Variants in MNAT1 observed in about 807,000 individuals in gnomAD.
The protein encoded by MNAT1 is CDK-activating kinase assembly factor MAT1.
Under a neutral mutation model 42.0 loss-of-function variants are expected in MNAT1, and 43 were observed. That is an observed-to-expected ratio of 1.02 (90% confidence interval 0.80 to 1.32). The LOEUF (loss-of-function observed/expected upper bound fraction) is 1.32. MNAT1 is among the 40% of genes most tolerant of loss of function. The probability of loss-of-function intolerance (pLI) is 0.00; values close to 1 mark genes in which losing one functional copy is unlikely to be tolerated. For missense variants in MNAT1, 306 were observed against 350.4 expected, an observed-to-expected ratio of 0.87 and a Z score of 1.01; for synonymous variants, 118 against 120.0, an observed-to-expected ratio of 0.98 and a Z score of 0.11.
chr14:60,966,138 T>C (rs530873193), intron 7 of MNAT1, among the ~76,000 whole-genome samples: 1 of 152,252 alleles, frequency 6.6e-6, no homozygotes, highest in East Asian at 1.9e-4. Flanking sequence ...TTTTTCTTTT[T>C]TTTTTTTAAA....
Position 60,931,893 on chromosome 14 carries a change from TTAGA to T in MNAT1, c.810-36333_810-36330del, listed in dbSNP as rs368069541. 1.6e-4 allele frequency among the ~76,000 whole-genome samples: 24 copies of T among 152,146 alleles called. 1 individual carries two copies. In the South Asian group the frequency reaches 4.8e-3, roughly 30 times the overall value. ...AATGGTGAATTAATTATATACTCCCTTAGATACTGAGCCTACTTTTTAAATTTTT... is the reference window on the plus strand; with the variant it reads ...AATGGTGAATTAATTATATACTCCCTTACTGAGCCTACTTTTTAAATTTTT... On this transcript the variant is annotated intron_variant, in intron 7 of 7. Coordinates refer to ENST00000261245, the MANE Select transcript of MNAT1 (RefSeq NM_002431.4).
chr14:60,756,086 T>C (rs1282261878), intron 1 of MNAT1, among the ~76,000 whole-genome samples: 1 of 152,264 alleles, frequency 6.6e-6, no homozygotes, highest in African/African-American at 2.4e-5. Flanking sequence ...TGTAGACTTT[T>C]TATTTCTTTC....
At chr14:60,884,086 A>T (rs990047897) in intron 7 of MNAT1, among the ~76,000 whole-genome samples, 1 of 151,566 alleles carries the variant, frequency 6.6e-6, no homozygotes, top group Non-Finnish European at 1.5e-5. Flanking sequence ...TGCTCTAGCT[A>T]GGACTGCCAG....
chr14:60,948,117 C>T (rs1188340752), intron 7 of MNAT1, among the ~76,000 whole-genome samples: 1 of 152,062 alleles, frequency 6.6e-6, no homozygotes, highest in Non-Finnish European at 1.5e-5. Flanking sequence ...TTTTCTTGAG[C>T]CCCCATTGTC....
chr14:60,853,531 C>CT (rs1178665735), intron 6 of MNAT1, among the ~76,000 whole-genome samples: 1 of 152,146 alleles, frequency 6.6e-6, no homozygotes, highest in Non-Finnish European at 1.5e-5. Flanking sequence ...TTCAAATACT[C>CT]TTTATTTCTT....
At chr14:60,746,298 G>T (rs576568942) in intron 1 of MNAT1, among the ~76,000 whole-genome samples, 35 of 152,130 alleles carry the variant, frequency 2.3e-4, no homozygotes, top group Non-Finnish European at 4.9e-4. Context: ...GGTAGATTAC[G>T]AGGTCAGGAG....
chr14:60,769,529 C>G (rs1201882627), intron 1 of MNAT1, among the ~76,000 whole-genome samples: 3 of 152,144 alleles, frequency 2.0e-5, no homozygotes, highest in East Asian at 3.8e-4. Flanking sequence ...AGTGAGCCTT[C>G]TGCTTTGACC....
intron 1 of MNAT1, among the ~76,000 whole-genome samples, chr14:60,746,949 C>A (rs191013315): frequency 3.0e-5 from 1 of 33,288 alleles, no homozygotes; most frequent in South Asian, 1.4e-3. Flanking sequence ...CACACACACA[C>A]ACACACACAC....
chr14:60,857,258 T>C (rs954255270), intron 6 of MNAT1, among the ~76,000 whole-genome samples: 10 of 152,222 alleles, frequency 6.6e-5, no homozygotes, highest in Non-Finnish European at 1.2e-4. Context: ...AGTTGATATT[T>C]TGGAAGTTTC....
chr14:60,963,665 T>C (rs925650381), intron 7 of MNAT1, among the ~76,000 whole-genome samples: 3 of 152,062 alleles, frequency 2.0e-5, no homozygotes, highest in African/African-American at 2.4e-5. Flanking sequence ...CACAGATCTG[T>C]TTGGAAATGG....
chr14:60,812,221 C>A, intron 5 of MNAT1, 94 bp downstream of exon 5: 1 of 1,222,804 alleles, frequency 8.2e-7, no homozygotes, highest in Non-Finnish European at 1.1e-6. Flanking sequence ...GGCTTTTCCA[C>A]AGTGTTTGTA....
chr14:60,825,649 T>TC (rs1015903514), intron 6 of MNAT1, among the ~76,000 whole-genome samples: 5 of 152,208 alleles, frequency 3.3e-5, no homozygotes, highest in African/African-American at 1.2e-4. Flanking sequence ...ACTGAGTCTT[T>TC]GAGAGGTTAG....
intron 7 of MNAT1, among the ~76,000 whole-genome samples, chr14:60,949,421 C>T (rs1393175697): frequency 2.0e-5 from 3 of 151,994 alleles, no homozygotes; most frequent in Non-Finnish European, 2.9e-5. Context: ...ACATTTTTAA[C>T]GATAAAGCAT....
intron 7 of MNAT1, among the ~76,000 whole-genome samples, chr14:60,941,020 A>G (rs1459802286): frequency 1.3e-5 from 2 of 152,202 alleles, no homozygotes; most frequent in Non-Finnish European, 2.9e-5. Context: ...ATTCTTTAAA[A>G]GTTTTTGGGA....
chr14:60,923,017 A>C (rs1406783526), intron 7 of MNAT1, among the ~76,000 whole-genome samples: 1 of 152,206 alleles, frequency 6.6e-6, no homozygotes, highest in Non-Finnish European at 1.5e-5. Context: ...CAGTAGATAC[A>C]TTCTACTTGG....
intron 1 of MNAT1, among the ~76,000 whole-genome samples, chr14:60,777,991 G>A (rs2031312760): frequency 6.6e-6 from 1 of 152,212 alleles, no homozygotes; most frequent in South Asian, 2.1e-4. Flanking sequence ...GGCAACAACT[G>A]AAGGAATGCC....
rs1055126415 is a variant in MNAT1 at position 60,785,769 on chromosome 14, G to T, written c.90-10448G>T. 2.6e-5 allele frequency among the ~76,000 whole-genome samples: 4 copies of T among 152,140 alleles called. 1 individual carries two copies. In the South Asian group the frequency reaches 8.3e-4, roughly 31 times the overall value. ...TCTTGTACTCATCAAACATTTGAGG[G>T]TTCAGCTTTGCATTTGACAAGGCAC... On this transcript the variant is annotated intron_variant, in intron 1 of 7. Transcript: ENST00000261245.
At chr14:60,963,055 C>T (rs1242271105) in intron 7 of MNAT1, among the ~76,000 whole-genome samples, 5 of 152,066 alleles carry the variant, frequency 3.3e-5, no homozygotes, top group South Asian at 2.1e-4. Flanking sequence ...GATCTTGGCT[C>T]GCTGCGACCT....
At position 60,740,119 on chromosome 14, in the gene MNAT1, C is replaced by T. The variant is rs567246638; in HGVS notation, c.89+5168C>T. On this transcript the variant is annotated intron_variant, in intron 1 of 7. Coordinates refer to ENST00000261245, the MANE Select transcript of MNAT1 (RefSeq NM_002431.4). This position sits in a 1 kb window ranked among gnomAD's most constrained non-coding sequence, Gnocchi z 4.1. ...GCAGTGAGCCGAGATCACACCACTG[C>T]ACTCCAGCCTAGGCTACAGAGCAAG... 6.6e-5 allele frequency among the ~76,000 whole-genome samples: 10 copies of T among 152,334 alleles called. No homozygotes were observed. Among genetic ancestry groups the T allele is most frequent in the Admixed American group, 5.2e-4 (8 of 15,292 alleles).
Sources: gnomAD v4.1 joint callset for allele counts (sites outside exome capture counted in the v4.1 genomes callset) on GRCh38, gnomAD v4.1.1 for gene constraint, Gnocchi (gnomAD v3.1) non-coding constraint, MANE v1.5 for transcripts, NCBI Gene and HGNC (gene_info 2026-07-23, HGNC 2026-07-21) for gene names.